The following RAD54B variants were observed in gnomAD, a reference collection of about 807,000 sequenced individuals.
RAD54B encodes the protein RAD54 homolog B.
RAD54B carries 78 observed loss-of-function variants against 95.8 expected under a neutral mutation model. The observed-to-expected ratio is 0.81, with a 90% CI of 0.68 to 0.98. The LOEUF is 0.98. Ranked by LOEUF, RAD54B falls within the 50% of genes least tolerant of loss-of-function variation. RAD54B has a pLI of 0.00. For synonymous variants in RAD54B, 328 were observed against 354.9 expected (o/e 0.92, Z 0.85); for missense variants, 957 against 1,056.6 (o/e 0.91, Z 1.31).
rs760088904 is a variant in RAD54B at position 94,386,990 on chromosome 8, G to A, written c.1979C>T (p.Thr660Ile). ...TTTGTTAAATCGATCTTACTTTTCAGTAGGTCGAAGTTCGTGGATAACCGC... is the reference window on the plus strand; with the variant it reads ...TTTGTTAAATCGATCTTACTTTTCAATAGGTCGAAGTTCGTGGATAACCGC... ...LLAVIHELRP[T>I]EKVVLVSNYT... is the part of the protein sequence containing the mutation. Residue 660 changes from threonine (T) to isoleucine (I), a missense_variant, in exon 11 of 15, where the codon ACT (threonine) becomes ATT (isoleucine). Coordinates refer to ENST00000336148, the MANE Select transcript of RAD54B (RefSeq NM_012415.3). The A allele has an allele frequency of 2.5e-6, 4 of 1,591,818 alleles. No individual in the cohort carries two copies. Among genetic ancestry groups the A allele is most frequent in the East Asian group, 4.5e-5 (2 of 44,382 alleles).
chr8:94,384,760 T>C (rs374770307), intron 11 of RAD54B, among the ~76,000 whole-genome samples: 4 of 152,184 alleles, frequency 2.6e-5, no homozygotes, highest in South Asian at 4.1e-4. Flanking sequence ...GTGCCACTTA[T>C]GAAAGTGTAG....
At chr8:94,409,313 C>T (rs1205778185) in intron 4 of RAD54B, among the ~76,000 whole-genome samples, 1 of 151,858 alleles carries the variant, frequency 6.6e-6, no homozygotes, top group Non-Finnish European at 1.5e-5. Flanking sequence ...CCATACAGGC[C>T]AAATAAATCA....
chr8:94,374,728 G>C (rs906378063), intron 14 of RAD54B, among the ~76,000 whole-genome samples: 1 of 151,836 alleles, frequency 6.6e-6, no homozygotes, highest in African/African-American at 2.4e-5. Context: ...TATTTCACAA[G>C]GAAGATATAA....
At chr8:94,380,536 T>A in intron 11 of RAD54B, 130 bp from the exon 12 acceptor site, 3 of 957,118 alleles carry the variant, frequency 3.1e-6, no homozygotes, top group African/African-American at 1.7e-5. Context: ...CTTGTACAAT[T>A]AAAACATAGG....
At chr8:94,390,233 C>T (rs1305395221) in intron 10 of RAD54B, among the ~76,000 whole-genome samples, 1 of 151,810 alleles carries the variant, frequency 6.6e-6, no homozygotes, top group Non-Finnish European at 1.5e-5. Flanking sequence ...GGTGCGGTGG[C>T]TCAAGCCTGT....
At chr8:94,432,053 T>C in intron 3 of RAD54B, 1 of 1,450,834 alleles carries the variant, frequency 6.9e-7, no homozygotes, top group Non-Finnish European at 9.0e-7. Flanking sequence ...AGAACGTGTA[T>C]TCTGTTTCAG....
rs144828525 is a variant in RAD54B, at chr8:94,387,080, T to A, written c.1889A>T (p.Asp630Val). 3,389 of 1,613,570 alleles carry A rather than the reference T, an allele frequency of 2.1e-3. 26 individuals are homozygous for A. Among genetic ancestry groups the A allele is most frequent in the Non-Finnish European group, 1.6e-3 (1,887 of 1,179,596 alleles). ...TTCAGTAAACAGGAGAGGGTTGTAG[T>A]CAGCAGGAAACACACTTAGCAAGCC... ...YKGLLSVFPA[D>V]YNPLLFTEKE... The change falls in exon 11 of 15, where the codon GAC (aspartate) becomes GTC (valine). Residue 630 changes from aspartate to valine, a missense_variant. Physicochemically the swap from Asp to Val is radical, Grantham distance 152. Coordinates refer to ENST00000336148, the MANE Select transcript of RAD54B (RefSeq NM_012415.3).
intron 3 of RAD54B, among the ~76,000 whole-genome samples, chr8:94,432,818 C>T (rs933015503): frequency 1.3e-5 from 2 of 151,836 alleles, no homozygotes; most frequent in Non-Finnish European, 2.9e-5. Flanking sequence ...ATTAAAGTGA[C>T]TAAGATTGGG....
chr8:94,432,248 C>G, intron 3 of RAD54B: 2 of 1,550,310 alleles, frequency 1.3e-6, no homozygotes, highest in Non-Finnish European at 1.7e-6. Context: ...TCAATCCATC[C>G]CTCTTCTCCT....
intron 2 of RAD54B, among the ~76,000 whole-genome samples, chr8:94,463,967 C>T (rs1440202860): frequency 6.7e-6 from 1 of 148,408 alleles, no homozygotes; most frequent in Non-Finnish European, 1.5e-5. Flanking sequence ...AAAATTTGTA[C>T]ACAAACGTTC....
chr8:94,436,054 A>C (rs1049533204), intron 3 of RAD54B, among the ~76,000 whole-genome samples: 1 of 152,102 alleles, frequency 6.6e-6, no homozygotes, highest in African/African-American at 2.4e-5. Context: ...GACAATGACA[A>C]TTCATAAAAA....
chr8:94,452,530 C>T (rs1812684147), intron 3 of RAD54B, among the ~76,000 whole-genome samples: 1 of 115,536 alleles, frequency 8.7e-6, no homozygotes, highest in Non-Finnish European at 2.0e-5. Context: ...GAGATAGAGT[C>T]TGCACTCACC....
At chr8:94,452,489 C>T (rs1812679330) in intron 3 of RAD54B, among the ~76,000 whole-genome samples, 1 of 151,768 alleles carries the variant, frequency 6.6e-6, no homozygotes, top group Non-Finnish European at 1.5e-5. Flanking sequence ...GTTTTTTATA[C>T]TATCCTTAAT....
In RAD54B at chr8:94,380,186, T is replaced by C. The variant is rs746401438; in HGVS notation, c.2206A>G (p.Ile736Val). 5.6e-6 allele frequency: 9 copies of C among 1,613,166 alleles called. No individual in the cohort carries two copies. In the South Asian group the frequency reaches 8.8e-5, roughly 16 times the overall value. The change falls in exon 12 of 15, where the codon ATT becomes GTT. Residue 736 changes from isoleucine (I) to valine (V), a missense_variant. Transcript: ENST00000336148. Reference sequence around the variant, plus strand: ...GGATTCCAATCAATGTCATAGAGAATTAAGTGAGATCCTCCAATGAGGTTA... The same window carrying C: ...GGATTCCAATCAATGTCATAGAGAACTAAGTGAGATCCTCCAATGAGGTTA... ...GLNLIGGSHL[I>V]LYDIDWNPAT...
intron 14 of RAD54B, among the ~76,000 whole-genome samples, chr8:94,372,815 A>G (rs1810473240): frequency 6.6e-6 from 1 of 152,198 alleles, no homozygotes; most frequent in Non-Finnish European, 1.5e-5. Flanking sequence ...AGTCTTACAA[A>G]ATGGGTTAAA....
chr8:94,429,816 T>C, intron 3 of RAD54B: 1 of 985,382 alleles, frequency 1.0e-6, no homozygotes, highest in Non-Finnish European at 1.2e-6. Flanking sequence ...ACCAATGAAA[T>C]TAAGTAGTCA....
At chr8:94,463,075 A>G (rs1812944189) in intron 2 of RAD54B, among the ~76,000 whole-genome samples, 1 of 151,956 alleles carries the variant, frequency 6.6e-6, no homozygotes, top group Non-Finnish European at 1.5e-5. Flanking sequence ...ACTCCAGAGG[A>G]TAAGACAGGA....
Position 94,393,757 on chromosome 8 carries a change from G to A in RAD54B, c.1504C>T (p.Pro502Ser). 2 of 1,579,900 alleles carry A rather than the reference G, an allele frequency of 1.3e-6. No homozygotes were observed. The highest frequency in any genetic ancestry group is 1.1e-5 in the South Asian group (1 of 89,366). ...GTAAATTATACCTCAGAAGCAGAAG[G>A]TTCTCTCGATAAAATGATGGGTTCT... is the stretch of plus-strand genomic sequence containing the variant. Reference protein sequence around the residue: ...YEEPIILSREPSASEEEKELG... With the variant: ...YEEPIILSRESSASEEEKELG... The change falls in exon 9 of 15, where the codon CCT (proline) becomes TCT (serine). Residue 502 changes from proline to serine, a missense_variant. Transcript: ENST00000336148.
chr8:94,466,839 C>T (rs534590267), intron 2 of RAD54B, among the ~76,000 whole-genome samples: 87 of 152,192 alleles, frequency 5.7e-4, no homozygotes, highest in Non-Finnish European at 1.1e-3. Context: ...AAAAAGAACA[C>T]TGATTAGAAT....
Sources: gnomAD v4.1 joint callset for allele counts (sites outside exome capture counted in the v4.1 genomes callset) on GRCh38, gnomAD v4.1.1 for gene constraint, MANE v1.5 for transcripts, NCBI Gene and HGNC (gene_info 2026-07-23, HGNC 2026-07-21) for gene names.